The following CSGALNACT1 variants were observed in gnomAD, a reference collection of about 807,000 sequenced individuals.
CSGALNACT1 encodes the protein beta4GalNAcT-1.
CSGALNACT1 carries 52 observed loss-of-function variants against 51.0 expected under a neutral mutation model. The observed-to-expected ratio is 1.02, with a 90% CI of 0.82 to 1.29. CSGALNACT1 has a LOEUF of 1.29. Ranked by LOEUF, CSGALNACT1 falls within the 50% of genes most tolerant of loss-of-function variation. CSGALNACT1 has a pLI of 0.00. For synonymous variants in CSGALNACT1, 341 were observed against 254.4 expected (o/e 1.34, Z -3.24); for missense variants, 935 against 679.2 (o/e 1.38, Z -4.19).
Position 19,722,212 on chromosome 8 carries a change from C to T in CSGALNACT1, c.-297+35638G>A, listed in dbSNP as rs1468045139. ...AGCAAAAGAAATTGGCGCTTGAGAC[C>T]GCCCTGCCTCTCCCATTGACTGCTC... On this transcript the variant is annotated intron_variant, in intron 1 of 1. Coordinates refer to the CSGALNACT1 transcript ENST00000517494. Among the ~76,000 whole-genome samples the T allele has an allele frequency of 5.3e-5, 8 of 152,124 alleles. No individual in the cohort carries two copies. In the South Asian group the frequency reaches 8.3e-4, roughly 16 times the overall value.
intron 1 of CSGALNACT1, among the ~76,000 whole-genome samples, chr8:19,751,313 G>A (rs990051790): frequency 5.9e-5 from 9 of 152,130 alleles, no homozygotes; most frequent in African/African-American, 1.9e-4. Flanking sequence ...TCCTAAGGTG[G>A]CTGTGCTGAT....
intron 5 of CSGALNACT1, among the ~76,000 whole-genome samples, chr8:19,446,667 T>C (rs2062174272): frequency 6.6e-6 from 1 of 152,074 alleles, no homozygotes; most frequent in Admixed American, 6.5e-5. Flanking sequence ...GTGTGTGCCA[T>C]CATGCCCAGC....
intron 3 of CSGALNACT1, among the ~76,000 whole-genome samples, chr8:19,583,522 A>G (rs2046017810): frequency 6.6e-6 from 1 of 152,192 alleles, no homozygotes; most frequent in African/African-American, 2.4e-5. Context: ...AAGTACAGTC[A>G]TTTGATTCCA....
At chr8:19,656,905 A>G (rs994214032) in intron 1 of CSGALNACT1, among the ~76,000 whole-genome samples, 3 of 151,916 alleles carry the variant, frequency 2.0e-5, no homozygotes, top group African/African-American at 7.3e-5. Flanking sequence ...GTTTCTATTA[A>G]AAATACAAAA....
intron 3 of CSGALNACT1, among the ~76,000 whole-genome samples, chr8:19,511,580 T>C (rs1297267659): frequency 6.6e-6 from 1 of 152,206 alleles, no homozygotes; most frequent in East Asian, 1.9e-4. Context: ...TCTACCCCAG[T>C]TGAATTCCTG....
chr8:19,408,634 G>A (rs762200871), exon 9 of CSGALNACT1: 30 of 1,613,786 alleles, frequency 1.9e-5, no homozygotes, highest in Admixed American at 3.3e-5. Context: ...AAGTCTGACC[G>A]ATACTGACAC....
chr8:19,489,407 C>T (rs945141268), intron 4 of CSGALNACT1, among the ~76,000 whole-genome samples: 14 of 152,162 alleles, frequency 9.2e-5, no homozygotes, highest in Admixed American at 2.0e-4. Context: ...AAAATTTACT[C>T]ATCACTCGCC....
chr8:19,467,110 CTTTTTTTTTTTTTT>C, intron 4 of CSGALNACT1, among the ~76,000 whole-genome samples: 1 of 53,354 alleles, frequency 1.9e-5, no homozygotes, highest in East Asian at 5.8e-4. Context: ...TAGCAGCTGA[CTTTTTTTTTTTTTT>C]TTTTTTTTTT....
intron 4 of CSGALNACT1, among the ~76,000 whole-genome samples, chr8:19,478,068 C>T (rs536521913): frequency 6.6e-6 from 1 of 152,268 alleles, no homozygotes; most frequent in African/African-American, 2.4e-5. Context: ...TCCCGTTAAA[C>T]AGCAGTGTGC....
intron 4 of CSGALNACT1, among the ~76,000 whole-genome samples, chr8:19,469,342 G>C (rs2067527584): frequency 6.6e-6 from 1 of 152,184 alleles, no homozygotes; most frequent in Non-Finnish European, 1.5e-5. Flanking sequence ...AGTAAGCTGT[G>C]TGTGCACCAC....
At chr8:19,605,647 C>A (rs1455777204), upstream of CSGALNACT1, among the ~76,000 whole-genome samples, 1 of 152,026 alleles carries the variant, frequency 6.6e-6, no homozygotes, top group Non-Finnish European at 1.5e-5. Context: ...TGCGTGAGAG[C>A]GGCTGAGAAA....
intron 4 of CSGALNACT1, among the ~76,000 whole-genome samples, chr8:19,463,234 C>A (rs2065939544): frequency 6.6e-6 from 1 of 152,128 alleles, no homozygotes. Flanking sequence ...TGATGGGCAT[C>A]TAGGTTGATT....
chr8:19,420,458 C>T (rs2057739176), exon 7 of CSGALNACT1: 3 of 1,614,214 alleles, frequency 1.9e-6, no homozygotes, highest in African/African-American at 1.3e-5. Context: ...CATCAAGTCC[C>T]TTTCCCCGAG....
intron 4 of CSGALNACT1, among the ~76,000 whole-genome samples, chr8:19,473,060 G>C (rs761533601): frequency 1.6e-4 from 24 of 152,204 alleles, no homozygotes; most frequent in African/African-American, 5.5e-4. Flanking sequence ...GGACTCCATA[G>C]CAAGTACTTC....
intron 4 of CSGALNACT1, among the ~76,000 whole-genome samples, chr8:19,496,351 T>G: frequency 6.6e-6 from 1 of 152,196 alleles, no homozygotes; most frequent in East Asian, 1.9e-4. Flanking sequence ...TTTGGGGTGT[T>G]ACCACAACAT....
chr8:19,562,617 C>T (rs1253208220), intron 3 of CSGALNACT1, among the ~76,000 whole-genome samples: 3 of 152,068 alleles, frequency 2.0e-5, no homozygotes, highest in Non-Finnish European at 4.4e-5. Flanking sequence ...ATAAACAACC[C>T]TATTAAAAAG....
intron 8 of CSGALNACT1, among the ~76,000 whole-genome samples, chr8:19,411,267 C>G (rs1158462467): frequency 2.6e-5 from 4 of 152,232 alleles, no homozygotes; most frequent in Non-Finnish European, 5.9e-5. Flanking sequence ...TTTATTTTCT[C>G]TGTAACAATT....
At chr8:19,438,439 G>A (rs2060755528) in intron 6 of CSGALNACT1, among the ~76,000 whole-genome samples, 1 of 152,188 alleles carries the variant, frequency 6.6e-6, no homozygotes, top group Non-Finnish European at 1.5e-5. Flanking sequence ...ATGTACTGGA[G>A]TCGAGGAATT....
intron 1 of CSGALNACT1, among the ~76,000 whole-genome samples, chr8:19,715,119 G>C (rs1280609953): frequency 6.6e-6 from 1 of 152,148 alleles, no homozygotes; most frequent in East Asian, 1.9e-4. Flanking sequence ...TTCTTACATG[G>C]TGGCAGCAAA....
Sources: gnomAD v4.1 joint callset for allele counts (sites outside exome capture counted in the v4.1 genomes callset) on GRCh38, gnomAD v4.1.1 for gene constraint, MANE v1.5 for transcripts, NCBI Gene and HGNC (gene_info 2026-07-23, HGNC 2026-07-21) for gene names.